MAF: variants seen among roughly 807,000 people sequenced by gnomAD.
MAF encodes MAF bZIP transcription factor.
Under a neutral mutation model 22.0 loss-of-function variants are expected in MAF, and 10 were observed. That is an observed-to-expected ratio of 0.45 (90% CI 0.28 to 0.77). MAF has a LOEUF of 0.77. Among genes scored for constraint, MAF ranks in the 30% least tolerant of loss-of-function variants. The pLI is 0.12. For synonymous variants in MAF, 337 were observed against 255.8 expected, an observed-to-expected ratio of 1.32 and a Z score of -3.03; for missense variants, 544 against 548.4, an observed-to-expected ratio of 0.99 and a Z score of 0.08.
chr16:79,445,207 GTA>G, the MAF span, among the ~76,000 whole-genome samples: 10 of 78,444 alleles, frequency 1.3e-4, no homozygotes, highest in Non-Finnish European at 2.6e-4. Context: ...CTAATTTTTT[GTA>G]TTTTTTTTTT....
chr16:79,216,534 C>A, the MAF span, among the ~76,000 whole-genome samples: 1 of 152,162 alleles, frequency 6.6e-6, no homozygotes, highest in East Asian at 1.9e-4. Context: ...ATGAGACATT[C>A]AACCCTCTAA....
the MAF span, among the ~76,000 whole-genome samples, chr16:79,529,944 A>G: frequency 6.8e-6 from 1 of 147,252 alleles, no homozygotes; most frequent in Non-Finnish European, 1.5e-5. Context: ...CTGGGCAACA[A>G]GAGTGAAACT....
the MAF span, chr16:79,211,576 A>AT: frequency 2.2e-3 from 3,516 of 1,607,826 alleles, 70 homozygotes; most frequent in Admixed American, 0.04. Context: ...TTTTCTTAAA[A>AT]TTTTTTTTTG....
chr16:79,318,953 T>A, the MAF span, among the ~76,000 whole-genome samples: 3 of 151,970 alleles, frequency 2.0e-5, no homozygotes, highest in East Asian at 5.8e-4. Flanking sequence ...TCCATGAAAC[T>A]CACACACACA....
At chr16:79,400,582 G>A in the MAF span, among the ~76,000 whole-genome samples, 1 of 152,214 alleles carries the variant, frequency 6.6e-6, no homozygotes, top group Admixed American at 6.5e-5. Flanking sequence ...AAAATGGGTA[G>A]AAGAATACCC....
the MAF span, among the ~76,000 whole-genome samples, chr16:79,558,676 G>T: frequency 3.3e-5 from 5 of 152,112 alleles, no homozygotes; most frequent in African/African-American, 7.2e-5. Flanking sequence ...AGGCCCTGAG[G>T]ATACACCGTT....
At chr16:79,393,677 G>A in the MAF span, among the ~76,000 whole-genome samples, 1 of 152,198 alleles carries the variant, frequency 6.6e-6, no homozygotes, top group African/African-American at 2.4e-5. Context: ...GGTCCATGCA[G>A]AGGCAACCTT....
the MAF span, among the ~76,000 whole-genome samples, chr16:79,458,275 C>T: frequency 2.1e-4 from 32 of 151,996 alleles, no homozygotes; most frequent in East Asian, 4.3e-3. Flanking sequence ...GTTTCTTCCT[C>T]GTGTCTCATC....
chr16:79,305,958 G>A, the MAF span, among the ~76,000 whole-genome samples: 7 of 152,082 alleles, frequency 4.6e-5, no homozygotes, highest in East Asian at 1.9e-4. Context: ...CTCCAGCAAC[G>A]GCACCCCAAG....
At chr16:79,500,383 G>A in the MAF span, among the ~76,000 whole-genome samples, 2 of 152,200 alleles carry the variant, frequency 1.3e-5, no homozygotes, top group African/African-American at 2.4e-5. Flanking sequence ...GCAAACCTCT[G>A]TCTGCACAAC....
At chr16:79,332,003 C>A in the MAF span, among the ~76,000 whole-genome samples, 3 of 152,168 alleles carry the variant, frequency 2.0e-5, no homozygotes, top group African/African-American at 7.2e-5. Flanking sequence ...TTAATTTGTT[C>A]ATTACCTGAC....
the MAF span, among the ~76,000 whole-genome samples, chr16:79,412,406 T>C: frequency 6.6e-6 from 1 of 152,288 alleles, no homozygotes; most frequent in East Asian, 1.9e-4. Flanking sequence ...CCATTGTGAG[T>C]AGTACACAGC....
chr16:79,474,808 T>C, the MAF span, among the ~76,000 whole-genome samples: 1 of 152,118 alleles, frequency 6.6e-6, no homozygotes, highest in Non-Finnish European at 1.5e-5. Context: ...AAGGATAAGA[T>C]TCCTCCTCAC....
chr16:79,417,074 G>T, the MAF span, among the ~76,000 whole-genome samples: 8 of 152,112 alleles, frequency 5.3e-5, no homozygotes, highest in African/African-American at 1.9e-4. Flanking sequence ...AGACGGAAAG[G>T]GTATTTTTTA....
At chr16:79,530,404 A>G in the MAF span, among the ~76,000 whole-genome samples, 1 of 152,222 alleles carries the variant, frequency 6.6e-6, no homozygotes, top group African/African-American at 2.4e-5. Context: ...AGACTGAAGG[A>G]AAGAGATGTA....
the MAF span, among the ~76,000 whole-genome samples, chr16:79,437,136 CTCTCTCTCTCTGTGTGTGTG>C: frequency 0.58 from 83,397 of 142,576 alleles, 23,254 homozygotes; most frequent in Middle Eastern, 0.63. Context: ...GGAGAAAGCT[CTCTCTCTCTCTGTGTGTGTG>C]TGTGTGTGTG....
At chr16:79,591,862 C>A (rs1043208149), downstream of MAF, among the ~76,000 whole-genome samples, 2 of 152,214 alleles carry the variant, frequency 1.3e-5, no homozygotes, top group Non-Finnish European at 2.9e-5. Context: ...CAGACTGATA[C>A]ATTTATAAAT....
chr16:79,433,677 C>G, the MAF span, among the ~76,000 whole-genome samples: 1 of 152,104 alleles, frequency 6.6e-6, no homozygotes, highest in Non-Finnish European at 1.5e-5. Flanking sequence ...TGTTACTGTT[C>G]TCAACTGACC....
chr16:79,456,253 T>C, the MAF span, among the ~76,000 whole-genome samples: 1 of 152,118 alleles, frequency 6.6e-6, no homozygotes, highest in Middle Eastern at 3.4e-3. Context: ...CCCACAGGAT[T>C]TATGGGGAGC....
Sources: gnomAD v4.1 joint callset for allele counts (sites outside exome capture counted in the v4.1 genomes callset) on GRCh38, gnomAD v4.1.1 for gene constraint, MANE v1.5 for transcripts, NCBI Gene and HGNC (gene_info 2026-07-23, HGNC 2026-07-21) for gene names.